Variants in NPAS3 observed in about 807,000 individuals in gnomAD.
NPAS3 encodes the protein neuronal PAS domain-containing protein 3.
In NPAS3, 14 loss-of-function variants were observed where a neutral mutation model predicts 73.1. The ratio of observed to expected loss-of-function variants is 0.19; its 90% CI spans 0.13 to 0.30. The LOEUF (loss-of-function observed/expected upper bound fraction) is 0.30. NPAS3 is among the 10% of genes least tolerant of loss of function. NPAS3 has a pLI of 1.00. For synonymous variants in NPAS3, 620 were observed against 541.5 expected (o/e 1.14, Z -2.01); for missense variants, 1,096 against 1,250.0 (o/e 0.88, Z 1.86).
intron 3 of NPAS3, among the ~76,000 whole-genome samples, chr14:33,288,298 G>A (rs1205990568): frequency 6.6e-6 from 1 of 151,982 alleles, no homozygotes; most frequent in East Asian, 1.9e-4. Flanking sequence ...CATCCTCTGT[G>A]TACCCTCAAT....
At chr14:32,937,164 T>C (rs957034792), upstream of NPAS3, among the ~76,000 whole-genome samples, 2 of 150,978 alleles carry the variant, frequency 1.3e-5, no homozygotes, top group African/African-American at 2.4e-5. Flanking sequence ...GTGTTGGAGG[T>C]AGGGTCTGAG....
At chr14:33,493,086 G>C (rs905351889) in intron 4 of NPAS3, among the ~76,000 whole-genome samples, 15 of 152,100 alleles carry the variant, frequency 9.9e-5, no homozygotes, top group Non-Finnish European at 1.9e-4. Context: ...TGAGCTTTGT[G>C]CGCAAAAACC....
chr14:33,483,518 A>T (rs2139732958), intron 4 of NPAS3, among the ~76,000 whole-genome samples: 1 of 152,326 alleles, frequency 6.6e-6, no homozygotes, highest in South Asian at 2.1e-4. Context: ...CTGGGTTTTC[A>T]TTCAGCTCTA....
chr14:33,531,850 T>C (rs1458980538), intron 4 of NPAS3, among the ~76,000 whole-genome samples: 1 of 152,126 alleles, frequency 6.6e-6, no homozygotes, highest in African/African-American at 2.4e-5. Context: ...CCTTCTGTTT[T>C]TAATCTTAGC....
chr14:33,602,499 A>G (rs769834034), intron 5 of NPAS3, among the ~76,000 whole-genome samples: 3 of 152,224 alleles, frequency 2.0e-5, no homozygotes, highest in South Asian at 4.1e-4. Context: ...TACTTTACTC[A>G]GTCCCTCATG....
intron 4 of NPAS3, among the ~76,000 whole-genome samples, chr14:33,370,326 G>A (rs1246009682): frequency 6.6e-6 from 1 of 152,138 alleles, no homozygotes; most frequent in Non-Finnish European, 1.5e-5. Context: ...TGGATGAATA[G>A]AAGTTTATTA....
chr14:33,416,334 G>A (rs1341345609), intron 4 of NPAS3, among the ~76,000 whole-genome samples: 2 of 152,002 alleles, frequency 1.3e-5, no homozygotes, highest in Non-Finnish European at 2.9e-5. Flanking sequence ...CAGAGGCGGG[G>A]CACTAGACTA....
chr14:33,442,347 G>A (rs2139288078), intron 4 of NPAS3, among the ~76,000 whole-genome samples: 1 of 152,120 alleles, frequency 6.6e-6, no homozygotes, highest in East Asian at 1.9e-4. Context: ...TGAGGTGGGA[G>A]GAGGGAGGAT....
intron 5 of NPAS3, among the ~76,000 whole-genome samples, chr14:33,578,772 A>G (rs1179187073): frequency 2.0e-5 from 3 of 152,218 alleles, no homozygotes; most frequent in Non-Finnish European, 2.9e-5. Context: ...GAGGTCATTT[A>G]GGAAGACTGG....
intron 5 of NPAS3, among the ~76,000 whole-genome samples, chr14:33,613,507 C>T (rs1011972797): frequency 2.0e-5 from 3 of 152,154 alleles, no homozygotes; most frequent in African/African-American, 7.2e-5. Context: ...CTCCTAACCA[C>T]AGCTTGAGGC....
intron 4 of NPAS3, among the ~76,000 whole-genome samples, chr14:33,534,352 C>G (rs944665345): frequency 6.6e-6 from 1 of 152,218 alleles, no homozygotes; most frequent in African/African-American, 2.4e-5. Flanking sequence ...TTTGTATACT[C>G]TCTTGGATCC....
rs1056897982 is a variant in NPAS3 at position 33,245,218 on chromosome 14, T to A, written c.385+29792T>A. On this transcript the variant is annotated intron_variant, in intron 3 of 11. Coordinates refer to ENST00000356141, the Ensembl canonical transcript of NPAS3. ...TATACCACCTGATTCAAAACATTCA[T>A]TGAATATCTGTTAGACAGTTGTGAT... Among the ~76,000 whole-genome samples the A allele has an allele frequency of 3.9e-4, 60 of 152,228 alleles. 1 individual carries two copies. Among genetic ancestry groups the A allele is most frequent in the Non-Finnish European group, 4.4e-5 (3 of 68,040 alleles).
intron 3 of NPAS3, among the ~76,000 whole-genome samples, chr14:33,231,873 G>A (rs1382617171): frequency 2.0e-5 from 3 of 152,218 alleles, no homozygotes; most frequent in South Asian, 2.1e-4. Flanking sequence ...GGCCCTTGAC[G>A]TAGGCAAATG....
intron 2 of NPAS3, among the ~76,000 whole-genome samples, chr14:33,100,129 T>G (rs1054681532): frequency 6.6e-6 from 1 of 152,200 alleles, no homozygotes; most frequent in Non-Finnish European, 1.5e-5. Flanking sequence ...TGGTCAGGGC[T>G]GCAAGAGTGT....
At chr14:33,702,500 A>T (rs2060549680) in intron 6 of NPAS3, among the ~76,000 whole-genome samples, 1 of 152,226 alleles carries the variant, frequency 6.6e-6, no homozygotes. Flanking sequence ...CAAATAAGGG[A>T]ACTGAAAAAC....
chr14:33,519,114 A>G (rs2053444661), intron 4 of NPAS3, among the ~76,000 whole-genome samples: 1 of 152,112 alleles, frequency 6.6e-6, no homozygotes, highest in Admixed American at 6.6e-5. Context: ...TAGAGAACAG[A>G]GTTTAAGCAG....
intron 4 of NPAS3, among the ~76,000 whole-genome samples, chr14:33,543,927 A>G (rs1462775642): frequency 9.7e-6 from 1 of 102,912 alleles, no homozygotes; most frequent in African/African-American, 3.9e-5. Flanking sequence ...TCTTCATCTC[A>G]GACAGGTATG....
intron 2 of NPAS3, among the ~76,000 whole-genome samples, chr14:33,094,296 T>G (rs1180404688): frequency 6.6e-6 from 1 of 152,164 alleles, no homozygotes; most frequent in African/African-American, 2.4e-5. Flanking sequence ...AAATGGGAAT[T>G]TAAAGATGCA....
At chr14:33,108,613 A>G (rs575462395) in intron 2 of NPAS3, among the ~76,000 whole-genome samples, 21 of 152,290 alleles carry the variant, frequency 1.4e-4, no homozygotes, top group Admixed American at 8.5e-4. Flanking sequence ...CAATATCAAA[A>G]TGTGTACAAA....
Sources: gnomAD v4.1 joint callset for allele counts (sites outside exome capture counted in the v4.1 genomes callset) on GRCh38, gnomAD v4.1.1 for gene constraint, MANE v1.5 for transcripts, NCBI Gene and HGNC (gene_info 2026-07-23, HGNC 2026-07-21) for gene names.